The following DYNC2I2 variants were observed in gnomAD, a reference collection of about 807,000 sequenced individuals.
The protein encoded by DYNC2I2 is cytoplasmic dynein 2 intermediate chain 2.
A neutral mutation model predicts 52.0 loss-of-function variants in DYNC2I2; 39 were observed. That is an observed-to-expected ratio of 0.75 (90% CI 0.58 to 0.98). DYNC2I2 has a LOEUF of 0.98. Among genes scored for constraint, DYNC2I2 ranks in the 50% least tolerant of loss-of-function variants. The pLI is 0.00. For synonymous variants in DYNC2I2, 359 were observed against 321.1 expected (o/e 1.12, Z -1.26); for missense variants, 743 against 728.4 (o/e 1.02, Z -0.23).
rs142210358 is a variant in DYNC2I2 at position 128,633,856 on chromosome 9, G to A, written c.1499C>T (p.Ala500Val). ...FNSQQTQLLA[A>V]GDAQGTVKVW... The stretch of plus-strand genomic sequence containing the variant: ...CTTCACTGTGCCCTGGGCATCGCCC[G>A]CAGCCAAGAGCTGAGTCTGCTGGCT... Residue 500 changes from alanine (A) to valine (V), a missense_variant, in exon 9 of 9, where the codon GCG becomes GTG. Coordinates refer to ENST00000372715, the MANE Select transcript of DYNC2I2 (RefSeq NM_052844.4). The A allele has an allele frequency of 5.6e-4, 911 of 1,613,560 alleles. No individual in the cohort carries two copies. Among genetic ancestry groups the A allele is most frequent in the Non-Finnish European group, 7.2e-4 (851 of 1,180,038 alleles).
the DYNC2I2 span, among the ~76,000 whole-genome samples, chr9:128,673,806 A>T: frequency 9.8e-3 from 1,138 of 115,650 alleles, 13 homozygotes; most frequent in East Asian, 0.034. Flanking sequence ...GCACCCAGCT[A>T]TTTTTTTTTT....
chr9:128,636,301 G>A lies in DYNC2I2; in HGVS notation c.683C>T (p.Thr228Met), dbSNP rs771473147. Reference sequence around the variant, plus strand: ...CTCACCTGCGACGTGGGAGGGCTGCGTGGGGTGGAAGGCCAGACACAGGAC... The same window carrying A: ...CTCACCTGCGACGTGGGAGGGCTGCATGGGGTGGAAGGCCAGACACAGGAC... Reference protein sequence around the residue: ...SAVLCLAFHPTQPSHVAGGLY... With the variant: ...SAVLCLAFHPMQPSHVAGGLY... Residue 228 changes from threonine (T) to methionine (M), a missense_variant, in exon 4 of 9, where the codon ACG becomes ATG. Transcript: ENST00000372715. 7 of 1,580,368 alleles carry A rather than the reference G, an allele frequency of 4.4e-6. No individual in the cohort carries two copies. Among genetic ancestry groups the A allele is most frequent in the East Asian group, 2.3e-5 (1 of 43,082 alleles).
the DYNC2I2 span, among the ~76,000 whole-genome samples, chr9:128,676,154 C>T: frequency 6.6e-6 from 1 of 151,954 alleles, no homozygotes; most frequent in African/African-American, 2.4e-5. Flanking sequence ...GATGATAAAC[C>T]AAGACCCTGT....
the DYNC2I2 span, among the ~76,000 whole-genome samples, chr9:128,661,915 G>A: frequency 6.6e-6 from 1 of 151,920 alleles, no homozygotes; most frequent in African/African-American, 2.4e-5. Flanking sequence ...GGTGGCAGGC[G>A]CCTGTAATCC....
In DYNC2I2 at chr9:128,633,735, C is replaced by G. The variant is rs746309277; in HGVS notation, c.*9G>C. 6.8e-6 allele frequency: 11 copies of G among 1,611,332 alleles called. No individual in the cohort carries two copies. The highest frequency in any genetic ancestry group is 1.8e-4 in the Middle Eastern group (1 of 5,410). Reference sequence around the variant, plus strand: ...ACAGCGAAGGCTTGCACCCGCCTCCCGGGACCCCTCAGGCCGCCACCTCTG... The same window carrying G: ...ACAGCGAAGGCTTGCACCCGCCTCCGGGGACCCCTCAGGCCGCCACCTCTG... On this transcript the variant is annotated 3_prime_UTR_variant, in exon 9 of 9. Coordinates refer to ENST00000372715, the MANE Select transcript of DYNC2I2 (RefSeq NM_052844.4).
intron 5 of DYNC2I2, 197 bp downstream of exon 5, chr9:128,635,461 G>T: frequency 1.3e-6 from 1 of 797,122 alleles, no homozygotes; most frequent in Non-Finnish European, 2.0e-6. Flanking sequence ...CTCACTCGGT[G>T]CCTGCAGAGG....
At chr9:128,672,729 T>A in the DYNC2I2 span, among the ~76,000 whole-genome samples, 7 of 152,198 alleles carry the variant, frequency 4.6e-5, no homozygotes, top group African/African-American at 1.7e-4. Flanking sequence ...GGGAACATGT[T>A]AAAAACCCTT....
At chr9:128,668,480 C>T in the DYNC2I2 span, among the ~76,000 whole-genome samples, 1 of 151,470 alleles carries the variant, frequency 6.6e-6, no homozygotes, top group African/African-American at 2.4e-5. Flanking sequence ...ACGATTGTGT[C>T]ATCACACTCC....
At chr9:128,644,207 G>A (rs1860570618) in intron 1 of DYNC2I2, among the ~76,000 whole-genome samples, 1 of 151,378 alleles carries the variant, frequency 6.6e-6, no homozygotes, top group Admixed American at 6.6e-5. Flanking sequence ...TGGCACTGAG[G>A]CACAGAGAAA....
At chr9:128,666,462 T>C in the DYNC2I2 span, among the ~76,000 whole-genome samples, 2 of 149,796 alleles carry the variant, frequency 1.3e-5, no homozygotes, top group South Asian at 4.2e-4. Context: ...TAAACTGGAA[T>C]GTTAAAAATG....
intron 1 of DYNC2I2, among the ~76,000 whole-genome samples, chr9:128,645,629 A>G (rs1480883450): frequency 6.9e-6 from 1 of 144,018 alleles, no homozygotes; most frequent in Non-Finnish European, 1.5e-5. Context: ...AAAAAAAAAA[A>G]AAAAAAAAAA....
At chr9:128,659,106 C>A (rs1254829573), upstream of DYNC2I2, among the ~76,000 whole-genome samples, 1 of 151,912 alleles carries the variant, frequency 6.6e-6, no homozygotes, top group Admixed American at 6.6e-5. Flanking sequence ...CCTCTCTCCA[C>A]CCCATGGCCT....
At position 128,633,771 on chromosome 9, in the gene DYNC2I2, G is replaced by C. The variant is rs1396061000; in HGVS notation, c.1584C>G (p.Asp528Glu). ...EQGPREAEDLDCLAAEVAA is the reference protein window; with the variant it reads ...EQGPREAEDLECLAAEVAA ...AGGCCGCCACCTCTGCTGCCAGGCA[G>C]TCCAGGTCCTCAGCTTCCCGGGGCC... The change falls in exon 9 of 9, where the codon GAC becomes GAG. Residue 528 changes from aspartate to glutamate, a missense_variant. Transcript: ENST00000372715. The C allele has an allele frequency of 6.2e-7, 1 of 1,613,526 alleles. No individual in the cohort carries two copies. Among genetic ancestry groups the C allele is most frequent in the Non-Finnish European group, 8.5e-7 (1 of 1,180,052 alleles).
chr9:128,646,777 C>T (rs1000193943), intron 1 of DYNC2I2, among the ~76,000 whole-genome samples: 1 of 151,950 alleles, frequency 6.6e-6, no homozygotes, highest in African/African-American at 2.4e-5. Context: ...GAGTCCAAGA[C>T]TTTGTGACCA....
Position 128,633,824 on chromosome 9 carries a change from G to A in DYNC2I2, c.1531C>T (p.Gln511Ter), listed in dbSNP as rs1376492472. 1 of 1,613,628 alleles carries A rather than the reference G, an allele frequency of 6.2e-7. No homozygotes were observed. The highest frequency in any genetic ancestry group is 8.5e-7 in the Non-Finnish European group (1 of 1,180,040). The change falls in exon 9 of 9, where the codon CAG becomes TAG. Residue 511 changes from glutamine to a stop codon, truncating the protein, a stop_gained. Transcript: ENST00000372715. LOFTEE classifies it high-confidence loss of function. ...GDAQGTVKVW[Q>*]LSTEFTEQGP... ...TGTTCCGTGAACTCTGTGCTCAGCTGCCACACCTTCACTGTGCCCTGGGCA... is the reference window on the plus strand; with the variant it reads ...TGTTCCGTGAACTCTGTGCTCAGCTACCACACCTTCACTGTGCCCTGGGCA...
chr9:128,641,317 C>A (rs1049168778), intron 1 of DYNC2I2, among the ~76,000 whole-genome samples: 2 of 152,080 alleles, frequency 1.3e-5, no homozygotes, highest in Non-Finnish European at 2.9e-5. Flanking sequence ...AGCACCCTGG[C>A]AGACACATGG....
At chr9:128,681,876 C>T in the DYNC2I2 span, among the ~76,000 whole-genome samples, 1 of 152,150 alleles carries the variant, frequency 6.6e-6, no homozygotes, top group Non-Finnish European at 1.5e-5. Flanking sequence ...AGTTCAAGAC[C>T]AGCCTGGCCA....
chr9:128,657,354 G>C (rs1272666903), upstream of DYNC2I2, among the ~76,000 whole-genome samples: 2 of 152,036 alleles, frequency 1.3e-5, no homozygotes, highest in Non-Finnish European at 2.9e-5. Flanking sequence ...TGTGTGTCAG[G>C]CAAAGAGCCC....
chr9:128,643,357 T>C (rs1860553551), intron 1 of DYNC2I2, among the ~76,000 whole-genome samples: 1 of 151,994 alleles, frequency 6.6e-6, no homozygotes. Flanking sequence ...AAACCCCGTC[T>C]CTACTAAAAA....
Sources: gnomAD v4.1 joint callset for allele counts (sites outside exome capture counted in the v4.1 genomes callset) on GRCh38, gnomAD v4.1.1 for gene constraint, MANE v1.5 for transcripts, NCBI Gene and HGNC (gene_info 2026-07-23, HGNC 2026-07-21) for gene names.